Variants in EIPR1 observed in about 807,000 individuals in gnomAD.
EIPR1 encodes EARP complex and GARP complex interacting protein 1, also known as EARP and GARP complex-interacting protein 1.
EIPR1 carries 25 observed loss-of-function variants against 48.1 expected under a neutral mutation model. The ratio of observed to expected loss-of-function variants is 0.52; its 90% confidence interval spans 0.38 to 0.73. The LOEUF is 0.73. Ranked by LOEUF, EIPR1 falls within the 30% of genes least tolerant of loss-of-function variation. EIPR1 has a pLI of 0.00. For synonymous variants in EIPR1, 204 were observed against 201.9 expected (o/e 1.01, Z -0.09); for missense variants, 415 against 506.2 (o/e 0.82, Z 1.73).
At chr2:3,228,349 C>T (rs2103161682) in intron 4 of EIPR1, among the ~76,000 whole-genome samples, 1 of 152,312 alleles carries the variant, frequency 6.6e-6, no homozygotes, top group South Asian at 2.1e-4. Context: ...GGCCTGTAGC[C>T]CCTTTGTTTT....
chr2:3,313,540 A>G (rs1179634251), intron 3 of EIPR1, among the ~76,000 whole-genome samples: 2 of 152,158 alleles, frequency 1.3e-5, no homozygotes, highest in South Asian at 4.1e-4. Context: ...ATTCCCATTT[A>G]TGTGGACATA....
chr2:3,207,380 C>G (rs189509329), intron 5 of EIPR1, among the ~76,000 whole-genome samples: 1 of 152,232 alleles, frequency 6.6e-6, no homozygotes, highest in Non-Finnish European at 1.5e-5. Context: ...GGGCCTCCCC[C>G]GGCTCAGGTC....
chr2:3,255,190 CTTTT>C (rs11285663), intron 4 of EIPR1, among the ~76,000 whole-genome samples: 3 of 145,182 alleles, frequency 2.1e-5, no homozygotes, highest in Admixed American at 1.4e-4. Flanking sequence ...TTCTTACTTT[CTTTT>C]TTTTTTTTTT....
intron 3 of EIPR1, among the ~76,000 whole-genome samples, chr2:3,260,487 T>C (rs1038574347): frequency 2.0e-5 from 2 of 98,980 alleles, no homozygotes; most frequent in African/African-American, 8.5e-5. Context: ...CGAGACTCCA[T>C]CTCAAAAAAT....
chr2:3,219,923 C>A (rs1486432542), intron 4 of EIPR1, among the ~76,000 whole-genome samples: 1 of 152,218 alleles, frequency 6.6e-6, no homozygotes, highest in South Asian at 2.1e-4. Flanking sequence ...CTGTTAGGAA[C>A]TAGGCCGCAC....
chr2:3,238,932 C>T (rs1405164356), intron 4 of EIPR1, among the ~76,000 whole-genome samples: 2 of 152,192 alleles, frequency 1.3e-5, no homozygotes, highest in Non-Finnish European at 2.9e-5. Flanking sequence ...CCAGCCAGCC[C>T]GGGATGGAGA....
At chr2:3,224,604 G>A (rs2103154579) in intron 4 of EIPR1, among the ~76,000 whole-genome samples, 1 of 152,310 alleles carries the variant, frequency 6.6e-6, no homozygotes, top group East Asian at 1.9e-4. Context: ...AGCCCCGTGT[G>A]AAAGTTTTCT....
chr2:3,263,677 C>T (rs1161106667), intron 3 of EIPR1, among the ~76,000 whole-genome samples: 1 of 150,930 alleles, frequency 6.6e-6, no homozygotes, highest in African/African-American at 2.4e-5. Context: ...GGCCAGCGCC[C>T]TCCCCAGGAC....
At position 3,265,204 on chromosome 2, in the gene EIPR1, CAGG is replaced by C. The variant is rs543799561; in HGVS notation, c.260-7752_260-7750del. Reference sequence around the variant, plus strand: ...CCAGAACATTAGAGGGGTGTGCAGGCAGGAGGTGTCTCTGGCATCGTCACCCAA... The same window carrying C: ...CCAGAACATTAGAGGGGTGTGCAGGCAGGTGTCTCTGGCATCGTCACCCAA... On this transcript the variant is annotated intron_variant, in intron 3 of 8. Coordinates refer to ENST00000382125, the MANE Select transcript of EIPR1 (RefSeq NM_003310.5). Among the ~76,000 whole-genome samples the C allele has an allele frequency of 4.1e-4, 34 of 82,280 alleles. No individual in the cohort carries two copies. In the South Asian group the frequency reaches 0.012, roughly 29 times the overall value. The allele number at this position is 82,280 out of a possible 152,430, so 54.0% of individuals were successfully genotyped here. A position where few individuals can be genotyped will look rare whatever the true frequency, so the allele number is the denominator to read the frequency against.
In EIPR1 at chr2:3,269,280, TG is replaced by T. The variant is rs1558263174; in HGVS notation, c.260-11826del. Among the ~76,000 whole-genome samples the T allele has an allele frequency of 6.9e-4, 96 of 138,420 alleles. 2 individuals carry two copies. The highest frequency in any genetic ancestry group is 4.3e-3 in the Middle Eastern group (1 of 232). The allele number at this position is 138,420 out of a possible 152,430, so 90.8% of individuals were successfully genotyped here. ...CGCACTCAGTCATGGCACTCAGTCA[TG>T]GCACTCAGTCATGGCACTCAGTCAT... On this transcript the variant is annotated intron_variant, in intron 3 of 8. Coordinates refer to ENST00000382125, the MANE Select transcript of EIPR1 (RefSeq NM_003310.5).
At chr2:3,362,603 T>C (rs551297679) in intron 1 of EIPR1, among the ~76,000 whole-genome samples, 198 of 144,610 alleles carry the variant, frequency 1.4e-3, no homozygotes, top group African/African-American at 4.9e-3. Flanking sequence ...AAGAAGGAGA[T>C]CACCCCACTG....
intron 3 of EIPR1, among the ~76,000 whole-genome samples, chr2:3,268,898 T>C (rs1667578777): frequency 6.6e-6 from 1 of 152,150 alleles, no homozygotes; most frequent in Non-Finnish European, 1.5e-5. Flanking sequence ...AGCCTACCTA[T>C]GTCATATGGC....
At chr2:3,249,777 A>C (rs1666948664) in intron 4 of EIPR1, among the ~76,000 whole-genome samples, 1 of 152,144 alleles carries the variant, frequency 6.6e-6, no homozygotes, top group African/African-American at 2.4e-5. Context: ...CCGGGGCCCC[A>C]CTTCCTTGTG....
At chr2:3,199,071 CGCCCCG>C (rs1664918694) in intron 5 of EIPR1, among the ~76,000 whole-genome samples, 56 of 50,414 alleles carry the variant, frequency 1.1e-3, no homozygotes, top group Non-Finnish European at 3.1e-3. Context: ...GCCCCCCCCC[CGCCCCG>C]GGAATGCATT....
chr2:3,299,622 T>TCACACACACACA (rs574613479), intron 3 of EIPR1, among the ~76,000 whole-genome samples: 203 of 141,122 alleles, frequency 1.4e-3, no homozygotes, highest in Non-Finnish European at 2.3e-3. Flanking sequence ...TCTCTCTCTC[T>TCACACACACACA]CTCACACACA....
chr2:3,197,466 C>T (rs867694670), intron 5 of EIPR1, among the ~76,000 whole-genome samples: 4 of 152,198 alleles, frequency 2.6e-5, no homozygotes, highest in Middle Eastern at 3.2e-3. Flanking sequence ...CCCTCCGTCT[C>T]GAGGCCCACA....
At chr2:3,199,028 T>A (rs900193887) in intron 5 of EIPR1, among the ~76,000 whole-genome samples, 30 of 119,846 alleles carry the variant, frequency 2.5e-4, no homozygotes, top group African/African-American at 8.6e-4. Context: ...CAACTGCATA[T>A]GGCAGACACC....
chr2:3,314,112 G>A (rs542451856), intron 3 of EIPR1, among the ~76,000 whole-genome samples: 17 of 152,294 alleles, frequency 1.1e-4, no homozygotes, highest in Non-Finnish European at 2.1e-4. Context: ...TCATTGGGGC[G>A]CCGCGCTGGC....
Position 3,232,030 on chromosome 2 carries a change from G to T in EIPR1, c.417-17782C>A, listed in dbSNP as rs115536351. 7.2e-3 allele frequency among the ~76,000 whole-genome samples: 1,090 copies of T among 152,202 alleles called. 13 individuals carry two copies. Among genetic ancestry groups the T allele is most frequent in the African/African-American group, 0.025 (1,054 of 41,524 alleles). The stretch of plus-strand genomic sequence containing the variant: ...TCTCTACTCATTGTTGATTTATTCA[G>T]ATTTTCTATTTCGTCTTTATTCAGT... On this transcript the variant is annotated intron_variant, in intron 4 of 8. Coordinates refer to ENST00000382125, the MANE Select transcript of EIPR1 (RefSeq NM_003310.5).
Sources: allele counts gnomAD v4.1 joint callset (sites outside exome capture counted in the v4.1 genomes callset), GRCh38; gene constraint gnomAD v4.1.1; transcripts MANE v1.5; gene names NCBI Gene and HGNC (gene_info 2026-07-23, HGNC 2026-07-21).